FAM13C: variants seen among roughly 807,000 people sequenced by gnomAD.
FAM13C encodes protein FAM13C.
Under a neutral mutation model 73.2 loss-of-function variants are expected in FAM13C, and 37 were observed. That is an observed-to-expected ratio of 0.51 (90% CI 0.39 to 0.67). The LOEUF (loss-of-function observed/expected upper bound fraction) is 0.67, where lower values mean the gene tolerates loss of function less well. Ranked by LOEUF, FAM13C falls within the 30% of genes least tolerant of loss-of-function variation. FAM13C has a pLI of 0.00. For synonymous variants in FAM13C, 246 were observed against 260.9 expected (o/e 0.94, Z 0.55); for missense variants, 589 against 715.6 (o/e 0.82, Z 2.02).
At chr10:59,271,406 C>T (rs1211239093) in intron 6 of FAM13C, among the ~76,000 whole-genome samples, 1 of 152,182 alleles carries the variant, frequency 6.6e-6, no homozygotes, top group Admixed American at 6.5e-5. Flanking sequence ...TGGCTTCTCC[C>T]CTGGTGGATT....
chr10:59,283,518 C>A (rs773387885), intron 5 of FAM13C, 71 bp from the exon 6 acceptor site: 2 of 1,505,476 alleles, frequency 1.3e-6, no homozygotes, highest in Non-Finnish European at 9.2e-7. Context: ...ATTCTGCCAG[C>A]AAAAGCAGAA....
At chr10:59,313,741 G>T (rs61863184) in intron 4 of FAM13C, among the ~76,000 whole-genome samples, 1 of 152,098 alleles carries the variant, frequency 6.6e-6, no homozygotes, top group Non-Finnish European at 1.5e-5. Flanking sequence ...GTGCAGGATG[G>T]ATATGGAAGC....
intron 2 of FAM13C, among the ~76,000 whole-genome samples, chr10:59,354,374 C>T (rs553358791): frequency 2.0e-5 from 3 of 152,274 alleles, no homozygotes; most frequent in African/African-American, 7.2e-5. Context: ...ATTATTGGTT[C>T]CTCAGGATCT....
At chr10:59,353,800 T>G (rs1855373857) in intron 2 of FAM13C, among the ~76,000 whole-genome samples, 1 of 152,232 alleles carries the variant, frequency 6.6e-6, no homozygotes, top group African/African-American at 2.4e-5. Flanking sequence ...AGAACAAACG[T>G]AGTGCTATCT....
At chr10:59,318,268 TCC>T (rs1849773783) in intron 4 of FAM13C, among the ~76,000 whole-genome samples, 1 of 110,366 alleles carries the variant, frequency 9.1e-6, no homozygotes, top group African/African-American at 5.8e-5. Context: ...AAGGGTAATC[TCC>T]TTTAAAAAAA....
chr10:59,355,215 T>C (rs1490862993), intron 2 of FAM13C, among the ~76,000 whole-genome samples: 1 of 152,118 alleles, frequency 6.6e-6, no homozygotes, highest in Non-Finnish European at 1.5e-5. Context: ...AGGAGCAGCA[T>C]TGGTTTGTCT....
intron 1 of FAM13C, among the ~76,000 whole-genome samples, chr10:59,356,192 T>A (rs528308033): frequency 6.6e-5 from 10 of 152,312 alleles, no homozygotes; most frequent in African/African-American, 2.2e-4. Flanking sequence ...CTGTGTCACC[T>A]AAACTAACAA....
intron 6 of FAM13C, among the ~76,000 whole-genome samples, chr10:59,272,089 A>T (rs1429079277): frequency 6.6e-6 from 1 of 152,222 alleles, no homozygotes; most frequent in East Asian, 1.9e-4. Context: ...AGAATCACAC[A>T]TCACTACAAA....
chr10:59,291,343 C>G (rs974621669), intron 5 of FAM13C, among the ~76,000 whole-genome samples: 4 of 152,194 alleles, frequency 2.6e-5, no homozygotes, highest in Admixed American at 1.3e-4. Flanking sequence ...TATCCCTCCC[C>G]TAAAGTAAAG....
chr10:59,293,206 T>G, intron 5 of FAM13C, among the ~76,000 whole-genome samples: 1 of 150,958 alleles, frequency 6.6e-6, no homozygotes, highest in Non-Finnish European at 1.5e-5. Context: ...CCTGAGTAGC[T>G]GGGACTACAG....
At chr10:59,294,315 T>C (rs985338936) in intron 5 of FAM13C, among the ~76,000 whole-genome samples, 5 of 152,086 alleles carry the variant, frequency 3.3e-5, no homozygotes, top group African/African-American at 1.2e-4. Flanking sequence ...AGGATCAAGA[T>C]GTCATGCCAG....
chr10:59,283,595 T>C, intron 5 of FAM13C, 148 bp from the exon 6 acceptor site: 1 of 766,380 alleles, frequency 1.3e-6, no homozygotes. Flanking sequence ...AGCACCTTCC[T>C]CCACTGCCTG....
chr10:59,362,565 G>T, upstream of FAM13C: 1 of 1,548,390 alleles, frequency 6.5e-7, no homozygotes, highest in Non-Finnish European at 8.7e-7. Context: ...CGCCCGGCAC[G>T]CTCGCTCTAC....
upstream of FAM13C, chr10:59,362,835 C>T: frequency 3.5e-6 from 1 of 285,606 alleles, no homozygotes; most frequent in African/African-American, 2.2e-5. Flanking sequence ...GAGAATGCCC[C>T]AGTGTTTCTG....
intron 9 of FAM13C, among the ~76,000 whole-genome samples, chr10:59,263,250 G>A (rs1842697540): frequency 6.6e-6 from 1 of 152,182 alleles, no homozygotes; most frequent in South Asian, 2.1e-4. Flanking sequence ...ACTTATCAAG[G>A]AATTACATTT....
intron 1 of FAM13C, among the ~76,000 whole-genome samples, chr10:59,359,250 C>A (rs114090017): frequency 6.6e-6 from 1 of 152,148 alleles, no homozygotes; most frequent in Non-Finnish European, 1.5e-5. Flanking sequence ...ATCGGTGAAG[C>A]CTGGATTGTT....
At chr10:59,343,037 A>G (rs1853715619) in intron 3 of FAM13C, among the ~76,000 whole-genome samples, 1 of 152,236 alleles carries the variant, frequency 6.6e-6, no homozygotes, top group South Asian at 2.1e-4. Context: ...GTATTTTTGA[A>G]TCAAATTTTA....
chr10:59,262,394 A>G, intron 10 of FAM13C, 40 bp downstream of exon 10: 1 of 1,562,674 alleles, frequency 6.4e-7, no homozygotes, highest in South Asian at 1.1e-5. Flanking sequence ...CACTGTGTGG[A>G]CTACAGGGGC....
intron 5 of FAM13C, among the ~76,000 whole-genome samples, chr10:59,292,239 A>G (rs1321502762): frequency 6.6e-6 from 1 of 152,270 alleles, no homozygotes; most frequent in Non-Finnish European, 1.5e-5. Flanking sequence ...CCAAAAGCAC[A>G]GGTCTTAAGT....
Sources: gnomAD v4.1 joint callset for allele counts (sites outside exome capture counted in the v4.1 genomes callset) on GRCh38, gnomAD v4.1.1 for gene constraint, MANE v1.5 for transcripts, NCBI Gene and HGNC (gene_info 2026-07-23, HGNC 2026-07-21) for gene names.